AK9: variants seen among roughly 807,000 people sequenced by gnomAD.
The protein encoded by AK9 is adenylate kinase 9.
In AK9, 191 loss-of-function variants were observed where a neutral mutation model predicts 239.6. The ratio of observed to expected loss-of-function variants is 0.80; its 90% CI spans 0.71 to 0.90. The LOEUF (loss-of-function observed/expected upper bound fraction) is 0.90. AK9 is among the 40% of genes least tolerant of loss of function. The pLI is 0.00. For missense variants in AK9, 1,995 were observed against 2,214.7 expected, an observed-to-expected ratio of 0.90 and a Z score of 1.99; for synonymous variants, 689 against 721.0, an observed-to-expected ratio of 0.96 and a Z score of 0.71.
At chr6:109,544,385 A>G (rs1361335939) in intron 26 of AK9, among the ~76,000 whole-genome samples, 1 of 152,128 alleles carries the variant, frequency 6.6e-6, no homozygotes, top group Non-Finnish European at 1.5e-5. Context: ...TGGAATTGCA[A>G]TCCCCAATGC....
Position 109,515,937 on chromosome 6 carries a change from T to C in AK9, c.3985A>G (p.Ile1329Val), listed in dbSNP as rs1188480190. The C allele has an allele frequency of 7.1e-6, 11 of 1,551,776 alleles. No homozygotes were observed. Among genetic ancestry groups the C allele is most frequent in the Non-Finnish European group, 9.6e-6 (11 of 1,146,922 alleles). Residue 1329 changes from isoleucine (I) to valine (V), a missense_variant, in exon 31 of 41, where the codon ATA becomes GTA. Physicochemically the swap from Ile to Val is conservative, Grantham distance 29 (BLOSUM62 3). This residue lies in a region of AK9 where 1,290 missense variants were observed against 1,392.7 expected (regional missense o/e 0.93). Transcript: ENST00000424296. ...ATTTTCTGGGCAAGGGGTGCTGGTATTGGATGACATTTCTCAAAAATGCTT... is the reference window on the plus strand; with the variant it reads ...ATTTTCTGGGCAAGGGGTGCTGGTACTGGATGACATTTCTCAAAAATGCTT... ...RASIFEKCHP[I>V]PAPLAQKMLT...
intron 20 of AK9, among the ~76,000 whole-genome samples, chr6:109,578,059 G>A (rs113371809): frequency 0.089 from 13,540 of 151,426 alleles, 802 homozygotes; most frequent in Middle Eastern, 0.17. Context: ...AGCCTCCCAA[G>A]TAGCTGGGAT....
At chr6:109,494,244 G>GT (rs1776809180) in intron 39 of AK9, 149 bp from the exon 40 acceptor site, 2 of 520,088 alleles carry the variant, frequency 3.8e-6, no homozygotes, top group African/African-American at 3.8e-5. Flanking sequence ...TAGATGACCA[G>GT]TTAGCCAACA....
chr6:109,668,524 G>A (rs1801590046), intron 5 of AK9, among the ~76,000 whole-genome samples: 1 of 150,700 alleles, frequency 6.6e-6, no homozygotes. Context: ...GGTTTTTATG[G>A]TTGTAGGTCT....
intron 3 of AK9, 92 bp from the exon 4 acceptor site, chr6:109,672,259 A>G: frequency 9.0e-7 from 1 of 1,107,934 alleles, no homozygotes; most frequent in African/African-American, 1.6e-5. Flanking sequence ...GGTAACAAAG[A>G]TTAACATTTG....
At chr6:109,506,606 T>A in intron 34 of AK9, 48 bp downstream of exon 34, 1 of 1,534,710 alleles carries the variant, frequency 6.5e-7, no homozygotes, top group South Asian at 1.2e-5. Context: ...TTTTCCCCCG[T>A]ATGATTAAAG....
At chr6:109,628,868 T>C (rs1378934091) in intron 12 of AK9, among the ~76,000 whole-genome samples, 6 of 152,038 alleles carry the variant, frequency 3.9e-5, no homozygotes, top group Non-Finnish European at 7.3e-5. Context: ...AACATGTTTT[T>C]AGTTATACTT....
chr6:109,559,641 C>A (rs995739378), intron 24 of AK9, among the ~76,000 whole-genome samples: 1 of 152,138 alleles, frequency 6.6e-6, no homozygotes, highest in Non-Finnish European at 1.5e-5. Context: ...CTATTGCTTA[C>A]ACATAGAAAT....
At chr6:109,674,401 C>A (rs1771399389) in intron 2 of AK9, 140 bp from the exon 3 acceptor site, 1 of 560,908 alleles carries the variant, frequency 1.8e-6, no homozygotes, top group Non-Finnish European at 3.0e-6. Context: ...GAAGAATAGA[C>A]CCTAGATACG....
intron 18 of AK9, 37 bp downstream of exon 18, chr6:109,585,879 C>T: frequency 3.3e-6 from 5 of 1,513,366 alleles, no homozygotes; most frequent in Non-Finnish European, 4.4e-6. Context: ...AATAACAAAA[C>T]TTCACTTTCA....
At chr6:109,518,604 T>C (rs1330345540) in intron 29 of AK9, among the ~76,000 whole-genome samples, 2 of 152,060 alleles carry the variant, frequency 1.3e-5, no homozygotes, top group African/African-American at 4.8e-5. Context: ...CTCCTATCTC[T>C]ATTTCTACCC....
At chr6:109,591,654 A>C (rs1790261042) in intron 17 of AK9, among the ~76,000 whole-genome samples, 1 of 152,136 alleles carries the variant, frequency 6.6e-6, no homozygotes, top group Non-Finnish European at 1.5e-5. Context: ...TAATACTTTC[A>C]TGTGTTTTTA....
chr6:109,497,143 A>G (rs546114094), intron 38 of AK9, among the ~76,000 whole-genome samples: 1 of 151,940 alleles, frequency 6.6e-6, no homozygotes, highest in African/African-American at 2.4e-5. Flanking sequence ...TCCTTCATCT[A>G]GCCAATTCCC....
chr6:109,565,456 A>G (rs1187487509), intron 21 of AK9, among the ~76,000 whole-genome samples: 1 of 150,512 alleles, frequency 6.6e-6, no homozygotes, highest in Admixed American at 6.8e-5. Flanking sequence ...TCTGGGTGAC[A>G]GAGCAAGACA....
chr6:109,596,151 A>G (rs1314689265), intron 17 of AK9, among the ~76,000 whole-genome samples: 1 of 152,156 alleles, frequency 6.6e-6, no homozygotes, highest in African/African-American at 2.4e-5. Flanking sequence ...GCTTTGCTTG[A>G]TCTTTATCGT....
intron 29 of AK9, among the ~76,000 whole-genome samples, chr6:109,518,339 C>G (rs1371454080): frequency 1.3e-5 from 2 of 152,020 alleles, no homozygotes; most frequent in East Asian, 1.9e-4. Flanking sequence ...TTTATTATAT[C>G]TTGTCAATTT....
chr6:109,564,272 G>A lies in AK9; in HGVS notation c.2443C>T (p.Pro815Ser), dbSNP rs10499052. The A allele has an allele frequency of 0.26, 404,599 of 1,546,118 alleles. 55,268 individuals carry two copies. The highest frequency in any genetic ancestry group is 0.28 in the Middle Eastern group (1,688 of 5,964). The change falls in exon 23 of 41, where the codon CCT becomes TCT. Residue 815 changes from proline to serine, a missense_variant. By Grantham distance (74) the Pro-to-Ser change is moderately conservative. Around this residue, in one of 5 missense-constraint regions of AK9, gnomAD observed 1,290 missense variants for 1,392.7 expected, o/e 0.93. Coordinates refer to ENST00000424296, the MANE Select transcript of AK9 (RefSeq NM_001145128.3). ...IEKLSETVVL[P>S]EFPEDSYPDV... ...GGATAAGAGTCTTCTGGAAACTCAGGTAGTACAACTTTGGAGTAAAAGACA... is the reference window on the plus strand; with the variant it reads ...GGATAAGAGTCTTCTGGAAACTCAGATAGTACAACTTTGGAGTAAAAGACA...
At chr6:109,597,679 A>AT (rs1178635720) in intron 17 of AK9, among the ~76,000 whole-genome samples, 150 of 81,494 alleles carry the variant, frequency 1.8e-3, no homozygotes, top group East Asian at 9.4e-3. Context: ...TCTCAAAAAA[A>AT]ATTTTTTTTT....
intron 24 of AK9, among the ~76,000 whole-genome samples, chr6:109,561,206 C>A (rs9374103): frequency 0.58 from 87,985 of 151,490 alleles, 27,193 homozygotes; most frequent in South Asian, 0.84. Flanking sequence ...CCTGCCTCGG[C>A]TTCCCAAAGT....
Sources: gnomAD v4.1 joint callset for allele counts (sites outside exome capture counted in the v4.1 genomes callset) on GRCh38, gnomAD v4.1.1 for gene constraint, gnomAD v4.1.1 regional missense constraint, MANE v1.5 for transcripts, NCBI Gene and HGNC (gene_info 2026-07-23, HGNC 2026-07-21) for gene names.